Variants in CDIN1 observed in about 807,000 individuals in gnomAD.
The protein encoded by CDIN1 is CDAN1-interacting nuclease 1.
Under a neutral mutation model 45.3 loss-of-function variants are expected in CDIN1, and 33 were observed. The ratio of observed to expected loss-of-function variants is 0.73; its 90% CI spans 0.55 to 0.97. The LOEUF (loss-of-function observed/expected upper bound fraction) is 0.97, where lower values mean the gene tolerates loss of function less well. Ranked by LOEUF, CDIN1 falls within the 50% of genes least tolerant of loss-of-function variation. The pLI is 0.00. For synonymous variants in CDIN1, 118 were observed against 124.4 expected, an observed-to-expected ratio of 0.95 and a Z score of 0.34; for missense variants, 303 against 339.4, an observed-to-expected ratio of 0.89 and a Z score of 0.84.
At chr15:36,736,354 A>G (rs2044018662) in intron 10 of CDIN1, among the ~76,000 whole-genome samples, 2 of 151,606 alleles carry the variant, frequency 1.3e-5, no homozygotes, top group Admixed American at 6.6e-5. Flanking sequence ...CTACTGACTT[A>G]CTCTCCTCTT....
chr15:36,609,765 G>T (rs2038560154), intron 1 of CDIN1, among the ~76,000 whole-genome samples: 1 of 152,136 alleles, frequency 6.6e-6, no homozygotes, highest in African/African-American at 2.4e-5. Flanking sequence ...CATGGCCCTG[G>T]GCAAGTCACT....
At chr15:36,709,679 C>A (rs2042986660) in intron 9 of CDIN1, among the ~76,000 whole-genome samples, 177 bp from the exon 10 acceptor site, 1 of 152,122 alleles carries the variant, frequency 6.6e-6, no homozygotes, top group Admixed American at 6.6e-5. Context: ...ATGATTGTCA[C>A]ATAAATGTTC....
At chr15:36,650,402 T>A (rs1383143350) in intron 3 of CDIN1, among the ~76,000 whole-genome samples, 1 of 142,686 alleles carries the variant, frequency 7.0e-6, no homozygotes, top group South Asian at 2.3e-4. Flanking sequence ...TTGAGAAAAT[T>A]TTTATTTATT....
chr15:36,682,385 C>T (rs1485444965), intron 5 of CDIN1, among the ~76,000 whole-genome samples: 2 of 152,110 alleles, frequency 1.3e-5, no homozygotes, highest in Non-Finnish European at 2.9e-5. Flanking sequence ...CAATGGATTG[C>T]ATAAGGCCCA....
chr15:36,679,190 G>A (rs940782134), intron 5 of CDIN1, among the ~76,000 whole-genome samples: 2 of 152,232 alleles, frequency 1.3e-5, no homozygotes, highest in East Asian at 1.9e-4. Context: ...GGGCTGGGGT[G>A]GGGGAGTGGG....
At chr15:36,796,672 C>T (rs941214352) in intron 10 of CDIN1, among the ~76,000 whole-genome samples, 49 of 152,324 alleles carry the variant, frequency 3.2e-4, no homozygotes, top group African/African-American at 1.1e-3. Context: ...TTGAAATCCC[C>T]ATGAGATGTT....
chr15:36,786,138 G>A (rs546006523), intron 10 of CDIN1, among the ~76,000 whole-genome samples: 36 of 152,300 alleles, frequency 2.4e-4, no homozygotes, highest in African/African-American at 8.2e-4. Context: ...GAATAAGTAA[G>A]CATGCATGTC....
At position 36,808,718 on chromosome 15, in the gene CDIN1, T is replaced by C. The variant is rs1195839968; in HGVS notation, c.*265T>C. 7.9e-6 allele frequency: 4 copies of C among 503,502 alleles called. No individual in the cohort carries two copies. The highest frequency in any genetic ancestry group is 1.9e-5 in the African/African-American group (1 of 51,606). 31.2% of individuals were successfully genotyped at this position (503,502 alleles called of 1,614,324 possible). A position where few individuals can be genotyped will look rare whatever the true frequency, so the allele number is the denominator to read the frequency against. ...CTCTGTCAAACAATTAGTTTATAGA[T>C]AGTCATAATCTTTCTTTCTTCCGGA... On this transcript the variant is annotated 3_prime_UTR_variant, in exon 11 of 11. Transcript: ENST00000566621.
intron 3 of CDIN1, among the ~76,000 whole-genome samples, chr15:36,653,861 A>G (rs954586415): frequency 8.5e-5 from 13 of 152,132 alleles, no homozygotes; most frequent in African/African-American, 3.1e-4. Flanking sequence ...AACAAGGGAG[A>G]CCTAAGTATT....
At chr15:36,689,243 T>A (rs1461768704) in intron 5 of CDIN1, among the ~76,000 whole-genome samples, 1 of 152,232 alleles carries the variant, frequency 6.6e-6, no homozygotes, top group Admixed American at 6.5e-5. Flanking sequence ...TTTCCCTTTT[T>A]TGGCTGAAAA....
intron 1 of CDIN1, among the ~76,000 whole-genome samples, chr15:36,612,539 A>AGGCT (rs1451733751): frequency 6.6e-6 from 1 of 152,168 alleles, no homozygotes; most frequent in Non-Finnish European, 1.5e-5. Context: ...GATCAGAATG[A>AGGCT]GGCTGCATGA....
At chr15:36,627,628 G>A (rs2039494342) in intron 1 of CDIN1, 1 of 152,386 alleles carries the variant, frequency 6.6e-6, no homozygotes, top group East Asian at 1.9e-4. Context: ...TCATGAAGAT[G>A]AGTGGCATGG....
At chr15:36,665,085 G>T (rs183926328) in intron 5 of CDIN1, among the ~76,000 whole-genome samples, 135 of 152,180 alleles carry the variant, frequency 8.9e-4, no homozygotes, top group African/African-American at 3.0e-3. Flanking sequence ...AACTTATTTT[G>T]GAATCTATGC....
chr15:36,806,056 G>A (rs147399421), intron 10 of CDIN1, among the ~76,000 whole-genome samples: 79 of 152,260 alleles, frequency 5.2e-4, no homozygotes, highest in African/African-American at 1.7e-3. Context: ...CAAAACTTAG[G>A]TAGACAGTAG....
intron 1 of CDIN1, among the ~76,000 whole-genome samples, chr15:36,601,775 CT>C (rs1450972596): frequency 1.3e-5 from 2 of 152,192 alleles, no homozygotes; most frequent in African/African-American, 4.8e-5. Context: ...CGTGTCCTGC[CT>C]GGCACACAGT....
intron 10 of CDIN1, among the ~76,000 whole-genome samples, chr15:36,794,128 G>A (rs1272305534): frequency 6.4e-5 from 9 of 140,392 alleles, no homozygotes; most frequent in African/African-American, 2.1e-4. Context: ...ATGCGATCTC[G>A]GCTCACTGCA....
At chr15:36,715,930 G>C (rs1395849378) in intron 10 of CDIN1, among the ~76,000 whole-genome samples, 1 of 152,112 alleles carries the variant, frequency 6.6e-6, no homozygotes, top group African/African-American at 2.4e-5. Flanking sequence ...TGTTGAATGT[G>C]AATAACAAGA....
At chr15:36,691,819 G>C (rs2042262839) in intron 6 of CDIN1, 55 bp downstream of exon 6, 12 of 1,335,476 alleles carry the variant, frequency 9.0e-6, no homozygotes, top group Non-Finnish European at 1.3e-5. Context: ...GCCTAGCAGA[G>C]TAAAGGATTT....
chr15:36,694,649 C>A (rs963932347), intron 7 of CDIN1, among the ~76,000 whole-genome samples: 1 of 152,066 alleles, frequency 6.6e-6, no homozygotes, highest in Non-Finnish European at 1.5e-5. Context: ...ACAGCTTATA[C>A]TCACCAAGGA....
Sources: gnomAD v4.1 joint callset for allele counts (sites outside exome capture counted in the v4.1 genomes callset) on GRCh38, gnomAD v4.1.1 for gene constraint, MANE v1.5 for transcripts, NCBI Gene and HGNC (gene_info 2026-07-23, HGNC 2026-07-21) for gene names.